FCN2: variants seen among roughly 807,000 people sequenced by gnomAD.
FCN2 encodes ficolin 2, also known as ficolin-2.
A neutral mutation model predicts 32.5 loss-of-function variants in FCN2; 31 were observed. The ratio of observed to expected loss-of-function variants is 0.96; its 90% confidence interval spans 0.72 to 1.29. The LOEUF (loss-of-function observed/expected upper bound fraction) is 1.29, where lower values mean the gene tolerates loss of function less well. Ranked by LOEUF, FCN2 falls within the 50% of genes most tolerant of loss-of-function variation. The pLI, the probability that FCN2 is intolerant of heterozygous loss-of-function variation, is 0.00. For synonymous variants in FCN2, 181 were observed against 164.5 expected (o/e 1.10, Z -0.77); for missense variants, 412 against 406.5 (o/e 1.01, Z -0.12).
chr9:134,884,613 C>A, intron 3 of FCN2, 127 bp from the exon 4 acceptor site: 1 of 930,156 alleles, frequency 1.1e-6, no homozygotes, highest in Non-Finnish European at 1.7e-6. Context: ...GGGTCAGGGA[C>A]TCCTTGGCTG....
intron 6 of FCN2, 103 bp downstream of exon 6, chr9:134,886,000 G>A: frequency 2.4e-6 from 3 of 1,251,804 alleles, no homozygotes; most frequent in Middle Eastern, 2.0e-4. Flanking sequence ...TGGCCCACAG[G>A]GGATTGGGCC....
rs1188065240 is a variant in FCN2, at chr9:134,887,034, T to C, written c.695-134T>C. On this transcript the variant is annotated intron_variant, in intron 7 of 7. Transcript: ENST00000291744. ...ATTCACTGGAGTCATGGATTGCACT[T>C]CTTGGATTGTGCAGTGCACAACCTG... 7.8e-6 allele frequency: 8 copies of C among 1,031,330 alleles called. No individual in the cohort carries two copies. In the East Asian group the frequency reaches 1.7e-4, roughly 21 times the overall value. The allele number at this position is 1,031,330 out of a possible 1,614,324, so 63.9% of individuals were successfully genotyped here.
the FCN2 span, among the ~76,000 whole-genome samples, chr9:134,864,963 C>T: frequency 5.9e-5 from 9 of 152,236 alleles, no homozygotes; most frequent in Non-Finnish European, 1.3e-4. Context: ...TCCTCCTCCG[C>T]AGAAGGGCCG....
intron 3 of FCN2, 70 bp downstream of exon 3, chr9:134,883,425 C>A: frequency 7.1e-7 from 1 of 1,402,956 alleles, no homozygotes; most frequent in Admixed American, 1.7e-5. Context: ...GAACGTGAGG[C>A]GGGTCTTCTG....
At chr9:134,878,401 C>T (rs1336977969), upstream of FCN2, among the ~76,000 whole-genome samples, 2 of 152,144 alleles carry the variant, frequency 1.3e-5, no homozygotes, top group Non-Finnish European at 2.9e-5. Flanking sequence ...CTGGAAGCAC[C>T]CCTGACCAAC....
In FCN2 at chr9:134,882,285, C is replaced by T. The variant is rs560418894; in HGVS notation, c.101-241C>T. ...AGCCTCCAAGGCCAGGGTTCTGCCCCAAATCACCTTTCTGCCTGACCAGTG... is the reference window on the plus strand; with the variant it reads ...AGCCTCCAAGGCCAGGGTTCTGCCCTAAATCACCTTTCTGCCTGACCAGTG... On this transcript the variant is annotated intron_variant, in intron 1 of 7. Coordinates refer to ENST00000291744, the MANE Select transcript of FCN2 (RefSeq NM_004108.3). Among the ~76,000 whole-genome samples, 7 of 152,312 alleles carry T rather than the reference C, an allele frequency of 4.6e-5. 1 individual carries two copies. The East Asian group carries it at 1.4e-3, about 29-fold the overall frequency.
the FCN2 span, among the ~76,000 whole-genome samples, chr9:134,870,065 A>G: frequency 6.6e-6 from 1 of 152,196 alleles, no homozygotes; most frequent in South Asian, 2.1e-4. This position sits in a 1 kb window ranked among gnomAD's most constrained non-coding sequence, Gnocchi z 4.3. Flanking sequence ...GACTCCGTGG[A>G]CAGCCCCTGG....
chr9:134,869,018 G>A, the FCN2 span, among the ~76,000 whole-genome samples: 1 of 152,184 alleles, frequency 6.6e-6, no homozygotes, highest in Non-Finnish European at 1.5e-5. Flanking sequence ...TAGTTGGGAC[G>A]GAGACCGTAT....
chr9:134,881,080 C>T (rs754201621), intron 1 of FCN2, among the ~76,000 whole-genome samples, 159 bp downstream of exon 1: 16 of 152,230 alleles, frequency 1.1e-4, no homozygotes, highest in African/African-American at 1.9e-4. Flanking sequence ...TGTGAACAAA[C>T]GCAGAGGCCC....
chr9:134,884,370 A>C (rs1830712203), intron 3 of FCN2, among the ~76,000 whole-genome samples: 1 of 152,016 alleles, frequency 6.6e-6, no homozygotes, highest in East Asian at 1.9e-4. Context: ...CCACACCGCA[A>C]ACAACACTCC....
Position 134,883,321 on chromosome 9 carries a change from A to T in FCN2, c.234A>T (p.Gly78=), listed in dbSNP as rs1830693552. Residue 78 remains glycine, a synonymous_variant, in exon 3 of 8, where the codon GGA becomes GGT. Coordinates refer to ENST00000291744, the MANE Select transcript of FCN2 (RefSeq NM_004108.3). The part of the protein sequence containing the change: ...NGKRGERGPP[G]PPGKAGPPGP... ...TTGCAGGAGAACGTGGCCCCCCTGGACCTCCTGGGAAGGCAGGACCACCTG... is the reference window on the plus strand; with the variant it reads ...TTGCAGGAGAACGTGGCCCCCCTGGTCCTCCTGGGAAGGCAGGACCACCTG... 6.2e-7 allele frequency: 1 copy of T among 1,613,436 alleles called. No homozygotes were observed. Among genetic ancestry groups the T allele is most frequent in the Non-Finnish European group, 8.5e-7 (1 of 1,179,634 alleles).
At chr9:134,866,138 C>T in the FCN2 span, among the ~76,000 whole-genome samples, 1 of 151,106 alleles carries the variant, frequency 6.6e-6, no homozygotes, top group Non-Finnish European at 1.5e-5. Flanking sequence ...GAAAAAACTA[C>T]TTTAAAGTTC....
In FCN2 at chr9:134,887,318, G is replaced by A; in HGVS notation, c.845G>A (p.Gly282Glu). 2 of 1,614,124 alleles carry A rather than the reference G, an allele frequency of 1.2e-6. No individual in the cohort carries two copies. Among genetic ancestry groups the A allele is most frequent in the South Asian group, 1.1e-5 (1 of 91,080 alleles). ...AACCTGAATGGTCGCTACCTCAGGG[G>A]GACTCATGGCAGCTTTGCAAATGGC... Reference protein sequence around the residue: ...VSNLNGRYLRGTHGSFANGIN... With the variant: ...VSNLNGRYLRETHGSFANGIN... The change falls in exon 8 of 8, where the codon GGG (glycine) becomes GAG (glutamate). Residue 282 changes from glycine to glutamate, a missense_variant. Transcript: ENST00000291744.
At chr9:134,865,109 G>A in the FCN2 span, among the ~76,000 whole-genome samples, 1 of 152,228 alleles carries the variant, frequency 6.6e-6, no homozygotes, top group East Asian at 1.9e-4. Context: ...GCAAAGTCAA[G>A]TCCCAGCTCT....
In FCN2 at chr9:134,887,404, C is replaced by A. The variant is rs200784774; in HGVS notation, c.931C>A (p.Arg311=). The stretch of plus-strand genomic sequence containing the variant: ...CTACAAGGTGTCAGAGATGAAGGTG[C>A]GACCTGCCTAGCCCAGGCCGGCCTC... ...YSYKVSEMKV[R]PA The change falls in exon 8 of 8, where the codon CGA becomes AGA. Residue 311 remains arginine, a synonymous_variant. Coordinates refer to ENST00000291744, the MANE Select transcript of FCN2 (RefSeq NM_004108.3). The A allele has an allele frequency of 1.2e-6, 2 of 1,614,042 alleles. No homozygotes were observed. The highest frequency in any genetic ancestry group is 1.7e-5 in the Admixed American group (1 of 60,014).
Position 134,885,290 on chromosome 9 carries a change from G to A in FCN2, c.353G>A (p.Trp118Ter), listed in dbSNP as rs1830730095. 6.2e-7 allele frequency: 1 copy of A among 1,614,060 alleles called. No individual in the cohort carries two copies. The highest frequency in any genetic ancestry group is 1.3e-5 in the African/African-American group (1 of 74,930). ...LLDRGHFLSG[W>*]HTIYLPDCRP... Reference sequence around the variant, plus strand: ...GACCGAGGGCACTTCCTGAGCGGCTGGCACACCATCTACCTGCCCGACTGC... The same window carrying A: ...GACCGAGGGCACTTCCTGAGCGGCTAGCACACCATCTACCTGCCCGACTGC... Residue 118 changes from tryptophan to a stop codon, truncating the protein, a stop_gained, in exon 5 of 8, where the codon TGG (tryptophan) becomes TAG (stop). Coordinates refer to ENST00000291744, the MANE Select transcript of FCN2 (RefSeq NM_004108.3). LOFTEE classifies it high-confidence loss of function.
rs1467165538 is a variant in FCN2, at chr9:134,887,451, ATAGT to A, written c.*38_*41del. The A allele has an allele frequency of 3.7e-6, 6 of 1,605,944 alleles. No homozygotes were observed. Among genetic ancestry groups the A allele is most frequent in the Non-Finnish European group, 3.4e-6 (4 of 1,173,484 alleles). On this transcript the variant is annotated 3_prime_UTR_variant, in exon 8 of 8. Transcript: ENST00000291744. ...CCTCAGGGTCAGGACGCCTCCACAC[ATAGT>A]TGGTTGGGGGGTAGGGTTGGGAGCT...
At chr9:134,868,421 G>T in the FCN2 span, 1 of 200,924 alleles carries the variant, frequency 5.0e-6, no homozygotes. This position sits in a 1 kb window ranked among gnomAD's most constrained non-coding sequence, Gnocchi z 4.3. Flanking sequence ...GGAAGTCGGG[G>T]AAAGGGAACA....
At chr9:134,869,389 T>C in the FCN2 span, among the ~76,000 whole-genome samples, 76 of 152,328 alleles carry the variant, frequency 5.0e-4, no homozygotes, top group African/African-American at 1.7e-3. Flanking sequence ...GTGGGTTGCA[T>C]AAGGCCTGAC....
Sources: allele counts gnomAD v4.1 joint callset (sites outside exome capture counted in the v4.1 genomes callset), GRCh38; gene constraint gnomAD v4.1.1; non-coding constraint Gnocchi (gnomAD v3.1); transcripts MANE v1.5; gene names NCBI Gene and HGNC (gene_info 2026-07-23, HGNC 2026-07-21).